Variants in USP50 observed in about 807,000 individuals in gnomAD.
The protein encoded by USP50 is ubiquitin specific peptidase 50.
Under a neutral mutation model 39.2 loss-of-function variants are expected in USP50, and 37 were observed. The ratio of observed to expected loss-of-function variants is 0.94; its 90% CI spans 0.73 to 1.24. USP50 has a LOEUF of 1.24. Ranked by LOEUF, USP50 falls within the 50% of genes most tolerant of loss-of-function variation. The pLI, the probability that USP50 is intolerant of heterozygous loss-of-function variation, is 0.00. For synonymous variants in USP50, 139 were observed against 144.5 expected (o/e 0.96, Z 0.27); for missense variants, 374 against 398.2 (o/e 0.94, Z 0.52).
Position 50,523,272 on chromosome 15 carries a change from G to A in USP50, c.936+6525C>T, listed in dbSNP as rs2052865518. Among the ~76,000 whole-genome samples the A allele has an allele frequency of 2.1e-5, 3 of 142,862 alleles. No homozygotes were observed. In the South Asian group the frequency reaches 6.7e-4, roughly 32 times the overall value. The allele number at this position is 142,862 out of a possible 152,430, so 93.7% of individuals were successfully genotyped here. On this transcript the variant is annotated intron_variant, in intron 6 of 6. Coordinates refer to ENST00000532404, the MANE Select transcript of USP50 (RefSeq NM_203494.5). ...CAGCTCACTGCAGCCTCAACCTCCT[G>A]GGCTCAAGCGATCCTCCCACATCAG...
chr15:50,521,844 G>A (rs1204124018), intron 6 of USP50, among the ~76,000 whole-genome samples: 1 of 152,062 alleles, frequency 6.6e-6, no homozygotes, highest in Non-Finnish European at 1.5e-5. Flanking sequence ...CACACCTGTA[G>A]TTCTAGCTAG....
intron 3 of USP50, 108 bp from the exon 4 acceptor site, chr15:50,541,372 G>C (rs1047996476): frequency 1.2e-5 from 10 of 843,564 alleles, no homozygotes; most frequent in Non-Finnish European, 1.8e-5. Context: ...AATTAGCTAG[G>C]CATGGTGGCA....
chr15:50,515,737 T>G (rs1339398169), intron 6 of USP50, among the ~76,000 whole-genome samples: 1 of 151,960 alleles, frequency 6.6e-6, no homozygotes, highest in Non-Finnish European at 1.5e-5. Context: ...ACTGCATTAA[T>G]AGATTAAAGG....
At chr15:50,496,300 T>C (rs1340352634), downstream of USP50, among the ~76,000 whole-genome samples, 1 of 151,876 alleles carries the variant, frequency 6.6e-6, no homozygotes, top group East Asian at 1.9e-4. Context: ...GATAACACGG[T>C]GAAACCCCAT....
At chr15:50,537,347 C>T (rs182594541) in intron 5 of USP50, among the ~76,000 whole-genome samples, 165 of 152,156 alleles carry the variant, frequency 1.1e-3, no homozygotes, top group Non-Finnish European at 1.5e-3. Context: ...CTACAAAACT[C>T]CTGGAAGATA....
At chr15:50,534,281 A>G (rs2052963449) in intron 5 of USP50, among the ~76,000 whole-genome samples, 1 of 152,204 alleles carries the variant, frequency 6.6e-6, no homozygotes, top group African/African-American at 2.4e-5. Flanking sequence ...GTATTATTTG[A>G]AAGTGGACCA....
At chr15:50,535,867 G>A (rs915380166) in intron 5 of USP50, among the ~76,000 whole-genome samples, 9 of 151,640 alleles carry the variant, frequency 5.9e-5, no homozygotes, top group Admixed American at 5.9e-4. Context: ...TTAGGTTAAA[G>A]GAAAAAAAAT....
chr15:50,537,896 G>GGGA (rs2052992911), intron 5 of USP50, among the ~76,000 whole-genome samples: 3 of 15,146 alleles, frequency 2.0e-4, no homozygotes, highest in Admixed American at 1.9e-3. Flanking sequence ...GAGGGGAGGG[G>GGGA]AGGGAAGGGG....
At chr15:50,526,933 A>G (rs2052902638) in intron 6 of USP50, among the ~76,000 whole-genome samples, 1 of 152,242 alleles carries the variant, frequency 6.6e-6, no homozygotes, top group African/African-American at 2.4e-5. Context: ...TGCTTAGAAC[A>G]GTGCCTGATA....
At chr15:50,540,939 TAAAG>T in intron 4 of USP50, 106 bp downstream of exon 4, 1 of 831,740 alleles carries the variant, frequency 1.2e-6, no homozygotes, top group Admixed American at 2.8e-5. Context: ...TTTTTTAAAT[TAAAG>T]TTATAAAGCC....
intron 6 of USP50, chr15:50,510,130 A>C (rs1358565202): frequency 2.0e-5 from 3 of 152,182 alleles, no homozygotes; most frequent in Non-Finnish European, 2.9e-5. Context: ...CAACAGACAC[A>C]CACAGCATAG....
intron 6 of USP50, 21 bp from the exon 7 acceptor site, chr15:50,500,858 A>AAACTT: frequency 6.4e-7 from 1 of 1,561,856 alleles, no homozygotes; most frequent in South Asian, 1.2e-5. Context: ...AAGGAATGTC[A>AAACTT]AACTTAGTAT....
intron 6 of USP50, chr15:50,502,630 A>G (rs1322267171): frequency 6.6e-6 from 1 of 152,114 alleles, no homozygotes; most frequent in East Asian, 1.9e-4. Context: ...TCCACCTCCC[A>G]AAGTGCTGGG....
intron 6 of USP50, among the ~76,000 whole-genome samples, chr15:50,518,503 G>A (rs965740309): frequency 4.0e-5 from 6 of 151,782 alleles, no homozygotes; most frequent in South Asian, 4.2e-4. Flanking sequence ...GAGCCACTGC[G>A]CCCAGCCCAG....
In USP50 at chr15:50,540,925, A is replaced by T. The variant is rs1396944262; in HGVS notation, c.660+124T>A. 5 of 730,108 alleles carry T rather than the reference A, an allele frequency of 6.8e-6. No homozygotes were observed. In the Admixed American group the frequency reaches 1.2e-4, roughly 17 times the overall value. 45.2% of individuals were successfully genotyped at this position (730,108 alleles called of 1,614,324 possible). ...AGGCATGAGCCACCGCACTCAGTCT[A>T]TTTTTTTTTAAATTAAAGTTATAAA... On this transcript the variant is annotated intron_variant, in intron 4 of 6. Transcript: ENST00000532404.
At chr15:50,523,809 A>T (rs181480530) in intron 6 of USP50, among the ~76,000 whole-genome samples, 35 of 152,296 alleles carry the variant, frequency 2.3e-4, no homozygotes, top group Admixed American at 2.3e-3. Context: ...ATGACAAAAG[A>T]CCTCAAATTG....
At chr15:50,494,467 A>G (rs557750266) in intron 1 of USP50, among the ~76,000 whole-genome samples, 1 of 152,376 alleles carries the variant, frequency 6.6e-6, no homozygotes, top group East Asian at 1.9e-4. Flanking sequence ...GTTGGTATTT[A>G]CTAATTAACA....
chr15:50,542,571 C>A (rs1023630806), intron 3 of USP50, among the ~76,000 whole-genome samples: 1 of 148,982 alleles, frequency 6.7e-6, no homozygotes, highest in African/African-American at 2.5e-5. Flanking sequence ...TCACTGCAAC[C>A]TCCGCCTCCT....
chr15:50,543,593 C>T lies in USP50; in HGVS notation c.444+5G>A. 6.2e-7 allele frequency: 1 copy of T among 1,610,658 alleles called. No homozygotes were observed. The highest frequency in any genetic ancestry group is 8.5e-7 in the Non-Finnish European group (1 of 1,178,024). On this transcript the variant is annotated splice_donor_5th_base_variant and intron_variant, in intron 3 of 6. Transcript: ENST00000532404. ...TCCTATTTCAAGGTCATTAACTCTA[C>T]TTACCTTTTTTAGAGCTTCATGAAG...
Sources: gnomAD v4.1 joint callset for allele counts (sites outside exome capture counted in the v4.1 genomes callset) on GRCh38, gnomAD v4.1.1 for gene constraint, MANE v1.5 for transcripts, NCBI Gene and HGNC (gene_info 2026-07-23, HGNC 2026-07-21) for gene names.